The following VAMP3 variants were observed in gnomAD, a reference collection of about 807,000 sequenced individuals.
The protein encoded by VAMP3 is vesicle-associated membrane protein 3.
In VAMP3, 11 loss-of-function variants were observed where a neutral mutation model predicts 18.1. The ratio of observed to expected loss-of-function variants is 0.61; its 90% CI spans 0.38 to 1.00. VAMP3 has a LOEUF of 1.00. Among genes scored for constraint, VAMP3 ranks in the 50% least tolerant of loss-of-function variants. The probability of loss-of-function intolerance (pLI) is 0.01; values close to 1 mark genes in which losing one functional copy is unlikely to be tolerated. For synonymous variants in VAMP3, 49 were observed against 43.1 expected (o/e 1.14, Z -0.53); for missense variants, 122 against 127.3 (o/e 0.96, Z 0.20).
chr1:7,777,030 C>G lies in VAMP3; in HGVS notation c.73-130C>G, dbSNP rs1224229718. ...TTCCCCATGTTGGCCAGGTTGGTCT[C>G]GAACTCCTGACCACAGGTGATCCAC... is the stretch of plus-strand genomic sequence containing the variant. On this transcript the variant is annotated intron_variant, in intron 2 of 4. Transcript: ENST00000054666. 3 of 1,043,772 alleles carry G rather than the reference C, an allele frequency of 2.9e-6. No homozygotes were observed. The East Asian group carries it at 8.3e-5, about 29-fold the overall frequency. 64.7% of individuals were successfully genotyped at this position (1,043,772 alleles called of 1,614,324 possible). A position where few individuals can be genotyped will look rare whatever the true frequency, so the allele number is the denominator to read the frequency against.
At chr1:7,773,535 T>TA (rs759123230) in intron 2 of VAMP3, 24 bp downstream of exon 2, 1 of 1,603,896 alleles carries the variant, frequency 6.2e-7, no homozygotes, top group South Asian at 1.1e-5. Context: ...ATGTTGGAAA[T>TA]ATGAATTTTA....
intron 1 of VAMP3, among the ~76,000 whole-genome samples, chr1:7,772,061 G>A (rs1291096983): frequency 2.0e-5 from 3 of 152,200 alleles, no homozygotes; most frequent in Non-Finnish European, 4.4e-5. Context: ...TGAGGCTGCT[G>A]TGCCAATAGA....
At chr1:7,779,554 T>C in intron 4 of VAMP3, 72 bp from the exon 5 acceptor site, 1 of 1,604,166 alleles carries the variant, frequency 6.2e-7, no homozygotes, top group Non-Finnish European at 8.5e-7. Flanking sequence ...GCATTGGATG[T>C]TGGCTTGGGA....
In VAMP3 at chr1:7,780,627, T is replaced by G. The variant is rs2097056639; in HGVS notation, c.*982T>G. 6.6e-6 allele frequency: 1 copy of G among 152,364 alleles called. No individual in the cohort carries two copies. Among genetic ancestry groups the G allele is most frequent in the Non-Finnish European group, 1.5e-5 (1 of 68,040 alleles). The allele number at this position is 152,364 out of a possible 1,614,324, so 9.4% of individuals were successfully genotyped here. A position where few individuals can be genotyped will look rare whatever the true frequency, so the allele number is the denominator to read the frequency against. ...GTGGACTCCAGCATGTTTCTGATAA[T>G]TATGCAAGCAACAATTCTGTAGCCT... On this transcript the variant is annotated 3_prime_UTR_variant, in exon 5 of 5. Transcript: ENST00000054666.
intron 2 of VAMP3, among the ~76,000 whole-genome samples, 158 bp downstream of exon 2, chr1:7,773,669 A>C (rs901610669): frequency 1.3e-5 from 2 of 152,238 alleles, no homozygotes; most frequent in African/African-American, 4.8e-5. Flanking sequence ...GGAAGATCTA[A>C]TCTAAGCAAA....
intron 4 of VAMP3, 136 bp downstream of exon 4, chr1:7,778,305 G>A (rs2097055340): frequency 8.7e-6 from 9 of 1,033,952 alleles, no homozygotes; most frequent in Non-Finnish European, 1.2e-5. Context: ...ACTCATGCCT[G>A]TAATCCCAAA....
intron 3 of VAMP3, 39 bp from the exon 4 acceptor site, chr1:7,778,079 T>C (rs747800988): frequency 6.2e-7 from 1 of 1,608,470 alleles, no homozygotes; most frequent in East Asian, 2.2e-5. Flanking sequence ...ACATTATGTC[T>C]GCATTTGAAA....
rs144427684 is a variant in VAMP3 at position 7,779,638 on chromosome 1, C to G, written c.296C>G (p.Ser99Cys). 1 of 1,614,172 alleles carries G rather than the reference C, an allele frequency of 6.2e-7. No homozygotes were observed. The highest frequency in any genetic ancestry group is 2.2e-5 in the East Asian group (1 of 44,880). Reference protein sequence around the residue: ...FIIIIIVWVVSS With the variant: ...FIIIIIVWVVCS ...TCCTCCTTCTTAGTGTGGGTTGTCTCTTCATGAAGAACCAGCGGAACTCAA... is the reference window on the plus strand; with the variant it reads ...TCCTCCTTCTTAGTGTGGGTTGTCTGTTCATGAAGAACCAGCGGAACTCAA... Residue 99 changes from serine (S) to cysteine (C), a missense_variant, in exon 5 of 5, where the codon TCT becomes TGT. Transcript: ENST00000054666.
intron 2 of VAMP3, among the ~76,000 whole-genome samples, chr1:7,775,252 A>G (rs2097053664): frequency 6.6e-6 from 1 of 152,142 alleles, no homozygotes. Flanking sequence ...TTTTTTATGT[A>G]TTCTGGATAT....
intron 2 of VAMP3, among the ~76,000 whole-genome samples, chr1:7,775,622 T>C (rs1207713342): frequency 6.6e-6 from 1 of 152,258 alleles, no homozygotes; most frequent in Admixed American, 6.5e-5. Flanking sequence ...GTGCTGGGAA[T>C]ATAGGCATGA....
intron 2 of VAMP3, among the ~76,000 whole-genome samples, chr1:7,774,370 A>G (rs2097053081): frequency 6.6e-6 from 1 of 151,978 alleles, no homozygotes; most frequent in Non-Finnish European, 1.5e-5. Context: ...TTTTTTAGCC[A>G]AAGGAATTTT....
rs1325562541 is a variant in VAMP3, at chr1:7,773,473, A to T, written c.34A>T (p.Asn12Tyr). ...AGGTCCAACTGCTGCCACTGGCAGTAATCGAAGACTTCAGCAGACACAAAA... is the reference window on the plus strand; with the variant it reads ...AGGTCCAACTGCTGCCACTGGCAGTTATCGAAGACTTCAGCAGACACAAAA... The part of the protein sequence containing the change: ...STGPTAATGS[N>Y]RRLQQTQNQV... Residue 12 changes from asparagine to tyrosine, a missense_variant, in exon 2 of 5, where the codon AAT becomes TAT. Coordinates refer to ENST00000054666, the MANE Select transcript of VAMP3 (RefSeq NM_004781.4). The T allele has an allele frequency of 2.5e-6, 4 of 1,614,064 alleles. No individual in the cohort carries two copies. In the African/African-American group the frequency reaches 5.3e-5, roughly 22 times the overall value.
Position 7,780,833 on chromosome 1 carries a change from A to G in VAMP3, c.*1188A>G, listed in dbSNP as rs1263581721. ...CTCTTTTCACAGAGAGTAGCCAACC[A>G]GAGACCTTTGCTTTGATATCATCAA... On this transcript the variant is annotated 3_prime_UTR_variant, in exon 5 of 5. Coordinates refer to ENST00000054666, the MANE Select transcript of VAMP3 (RefSeq NM_004781.4). 1.3e-5 allele frequency: 2 copies of G among 152,408 alleles called. No homozygotes were observed. The highest frequency in any genetic ancestry group is 2.9e-5 in the Non-Finnish European group (2 of 68,050). The allele number at this position is 152,408 out of a possible 1,614,324, so 9.4% of individuals were successfully genotyped here.
At chr1:7,771,949 CA>C (rs1177446866) in intron 1 of VAMP3, among the ~76,000 whole-genome samples, 1 of 152,232 alleles carries the variant, frequency 6.6e-6, no homozygotes, top group Non-Finnish European at 1.5e-5. Context: ...GGTTAAGAAT[CA>C]CAAGGACTCC....
chr1:7,779,534 T>G lies in VAMP3; in HGVS notation c.284-92T>G. On this transcript the variant is annotated intron_variant, in intron 4 of 4. Coordinates refer to ENST00000054666, the MANE Select transcript of VAMP3 (RefSeq NM_004781.4). ...AGCCCAGTCTAATTTCTGATCACAT[T>G]TAGACTGCAGCATTGGATGTTGGCT... 5.1e-6 allele frequency: 8 copies of G among 1,572,874 alleles called. 1 individual carries two copies. The South Asian group carries it at 8.9e-5, about 17-fold the overall frequency.
intron 4 of VAMP3, among the ~76,000 whole-genome samples, chr1:7,778,538 A>T (rs970422740): frequency 6.6e-6 from 1 of 152,192 alleles, no homozygotes; most frequent in African/African-American, 2.4e-5. Context: ...TTTCTCAAAA[A>T]AAAAAAAGAA....
At chr1:7,777,104 C>G in intron 2 of VAMP3, 56 bp from the exon 3 acceptor site, 1 of 1,557,994 alleles carries the variant, frequency 6.4e-7, no homozygotes. Context: ...AGCCACCGCA[C>G]CTGGCCCTGT....
Position 7,779,754 on chromosome 1 carries a change from G to C in VAMP3, c.*109G>C, listed in dbSNP as rs181353020. The stretch of plus-strand genomic sequence containing the variant: ...TACTGTTATCTCTAAAATTTTTTTT[G>C]TGTTAATGTAAAGTTGAATTTCTAG... On this transcript the variant is annotated 3_prime_UTR_variant, in exon 5 of 5. Transcript: ENST00000054666. 2,352 of 1,478,360 alleles carry C rather than the reference G, an allele frequency of 1.6e-3. 3 individuals are homozygous for C. The highest frequency in any genetic ancestry group is 2.1e-3 in the Non-Finnish European group (2,248 of 1,078,196). The allele number at this position is 1,478,360 out of a possible 1,614,324, so 91.6% of individuals were successfully genotyped here. A position where few individuals can be genotyped will look rare whatever the true frequency, so the allele number is the denominator to read the frequency against.
At chr1:7,777,792 A>G (rs1214808078) in intron 3 of VAMP3, among the ~76,000 whole-genome samples, 1 of 152,228 alleles carries the variant, frequency 6.6e-6, no homozygotes, top group African/African-American at 2.4e-5. Context: ...TCAGATCCAG[A>G]TGTATCCTGT....
Sources: gnomAD v4.1 joint callset for allele counts (sites outside exome capture counted in the v4.1 genomes callset) on GRCh38, gnomAD v4.1.1 for gene constraint, MANE v1.5 for transcripts, NCBI Gene and HGNC (gene_info 2026-07-23, HGNC 2026-07-21) for gene names.